The following S1PR3 variants were observed in gnomAD, a reference collection of about 807,000 sequenced individuals.
The protein encoded by S1PR3 is sphingosine 1-phosphate receptor 3.
S1PR3 carries 12 observed loss-of-function variants against 13.3 expected under a neutral mutation model. The observed-to-expected ratio is 0.90, with a 90% CI of 0.58 to 1.46. The LOEUF is 1.46. Ranked by LOEUF, S1PR3 falls within the 40% of genes most tolerant of loss-of-function variation. The pLI, the probability that S1PR3 is intolerant of heterozygous loss-of-function variation, is 0.00. For missense variants in S1PR3, 450 were observed against 501.9 expected (o/e 0.90, Z 0.99); for synonymous variants, 232 against 214.0 (o/e 1.08, Z -0.73).
At chr9:88,991,454 T>C, upstream of S1PR3, 1 of 1,545,888 alleles carries the variant, frequency 6.5e-7, no homozygotes, top group Non-Finnish European at 8.7e-7. The surrounding 1 kb of genome is among the most constrained non-coding windows in gnomAD (Gnocchi z 4.0). Flanking sequence ...GTTTAGTCTC[T>C]GACTCGCTCG....
chr9:88,992,345 TGTG>T (rs1345349519), intron 1 of S1PR3: 2 of 275,268 alleles, frequency 7.3e-6, no homozygotes, highest in Non-Finnish European at 1.4e-5. Context: ...TATATTTCTT[TGTG>T]GTGTTTTTAT....
intron 1 of S1PR3, chr9:88,992,694 A>G (rs1335416016): frequency 6.6e-6 from 1 of 152,400 alleles, no homozygotes; most frequent in East Asian, 1.9e-4. Context: ...GGGAAGGATT[A>G]TGCTCTGCAG....
chr9:89,000,895 G>C, intron 1 of S1PR3, 159 bp from the exon 2 acceptor site: 1 of 395,796 alleles, frequency 2.5e-6, no homozygotes, highest in Non-Finnish European at 4.6e-6. Context: ...CAATCACTTA[G>C]GAATTTAGCC....
In S1PR3 at chr9:89,001,845, C is replaced by A; in HGVS notation, c.645C>A (p.Tyr215Ter). 6.2e-7 allele frequency: 1 copy of A among 1,614,240 alleles called. No individual in the cohort carries two copies. The highest frequency in any genetic ancestry group is 2.2e-5 in the East Asian group (1 of 44,872). Reference protein sequence around the residue: ...TAILVTIVILYARIYFLVKSS... With the variant: ...TAILVTIVIL Reference sequence around the variant, plus strand: ...TCCTGGTGACCATCGTGATCCTCTACGCACGCATCTACTTCCTGGTGAAGT... The same window carrying A: ...TCCTGGTGACCATCGTGATCCTCTAAGCACGCATCTACTTCCTGGTGAAGT... Residue 215 changes from tyrosine (Y) to a stop codon, truncating the protein, a stop_gained, in exon 2 of 2, where the codon TAC becomes TAA. Transcript: ENST00000358157. LOFTEE classifies it high-confidence loss of function.
Position 89,001,961 on chromosome 9 carries a change from C to G in S1PR3, c.761C>G (p.Ala254Gly). 1 of 1,614,196 alleles carries G rather than the reference C, an allele frequency of 6.2e-7. No homozygotes were observed. Among genetic ancestry groups the G allele is most frequent in the Non-Finnish European group, 8.5e-7 (1 of 1,180,042 alleles). Residue 254 changes from alanine to glycine, a missense_variant, in exon 2 of 2, where the codon GCC becomes GGC. Coordinates refer to ENST00000358157, the MANE Select transcript of S1PR3 (RefSeq NM_005226.4). ...GTGATTGTGGTGAGCGTGTTCATCG[C>G]CTGCTGGTCCCCACTCTTCATCCTC... ...TVVIVVSVFI[A>G]CWSPLFILFL...
rs750077082 is a variant in S1PR3, at chr9:88,991,827, C to T, written c.-148+132C>T. Reference sequence around the variant, plus strand: ...TGGGCGCGCCACGGCGGCCGGAGCGCTCCACATCAGCACCCCTCCCCCAGA... The same window carrying T: ...TGGGCGCGCCACGGCGGCCGGAGCGTTCCACATCAGCACCCCTCCCCCAGA... On this transcript the variant is annotated intron_variant, in intron 1 of 1. Transcript: ENST00000358157. This position sits in a 1 kb window ranked among gnomAD's most constrained non-coding sequence, Gnocchi z 4.0. 5 of 1,611,990 alleles carry T rather than the reference C, an allele frequency of 3.1e-6. No homozygotes were observed.
Position 89,001,330 on chromosome 9 carries a change from G to T in S1PR3, c.130G>T (p.Val44Leu). The T allele has an allele frequency of 1.2e-6, 2 of 1,614,176 alleles. No homozygotes were observed. Among genetic ancestry groups the T allele is most frequent in the Non-Finnish European group, 1.7e-6 (2 of 1,180,038 alleles). ...EASEGSTLTTVLFLVICSFIV... is the reference protein window; with the variant it reads ...EASEGSTLTTLLFLVICSFIV... ...CTCCGAGGGCAGCACGCTCACCACC[G>T]TGCTCTTCTTGGTCATCTGCAGCTT... The change falls in exon 2 of 2, where the codon GTG becomes TTG. Residue 44 changes from valine (V) to leucine (L), a missense_variant. Transcript: ENST00000358157.
intron 1 of S1PR3, chr9:88,997,181 A>AATT (rs1360900132): frequency 6.6e-6 from 1 of 152,220 alleles, no homozygotes; most frequent in African/African-American, 2.4e-5. Flanking sequence ...ATGAATATTT[A>AATT]ATTATAAGGG....
chr9:88,991,146 C>A, upstream of S1PR3: 1 of 1,610,598 alleles, frequency 6.2e-7, no homozygotes, highest in Non-Finnish European at 8.5e-7. This position sits in a 1 kb window ranked among gnomAD's most constrained non-coding sequence, Gnocchi z 4.0. Flanking sequence ...TCTCTGGGCG[C>A]CCGGTTTCTG....
upstream of S1PR3, chr9:88,991,308 C>A: frequency 2.2e-6 from 3 of 1,372,158 alleles, no homozygotes; most frequent in Non-Finnish European, 1.9e-6. This position sits in a 1 kb window ranked among gnomAD's most constrained non-coding sequence, Gnocchi z 4.0. Context: ...GCGGCTTGAG[C>A]GGGAGGTGGG....
At chr9:88,992,772 C>T (rs59184053) in intron 1 of S1PR3, 3,483 of 152,012 alleles carry the variant, frequency 0.023, 139 homozygotes, top group African/African-American at 0.079. Flanking sequence ...GGTGATGGTG[C>T]GGGGCATGTG....
chr9:88,998,916 G>GCC (rs962214769), intron 1 of S1PR3: 7 of 152,536 alleles, frequency 4.6e-5, no homozygotes, highest in African/African-American at 1.4e-4. Context: ...TGAATGGGAA[G>GCC]CCAAGTAGGG....
At position 89,004,317 on chromosome 9, in the gene S1PR3, C is replaced by G. The variant is rs1470341792; in HGVS notation, c.*1980C>G. 1 of 152,424 alleles carries G rather than the reference C, an allele frequency of 6.6e-6. No individual in the cohort carries two copies. Among genetic ancestry groups the G allele is most frequent in the Admixed American group, 6.5e-5 (1 of 15,270 alleles). The allele number at this position is 152,424 out of a possible 1,614,324, so 9.4% of individuals were successfully genotyped here. On this transcript the variant is annotated 3_prime_UTR_variant, in exon 2 of 2. Coordinates refer to ENST00000358157, the MANE Select transcript of S1PR3 (RefSeq NM_005226.4). ...GGGAGGCTGAGGCTGGAGAGTTGCT[C>G]AAACCCGGGAGGCGGAGATTGCAGT...
rs1412086355 is a variant in S1PR3 at position 89,004,298 on chromosome 9, C to T, written c.*1961C>T. Reference sequence around the variant, plus strand: ...CCTGTAGTCCCAGCTACTCGGGAGGCTGAGGCTGGAGAGTTGCTCAAACCC... The same window carrying T: ...CCTGTAGTCCCAGCTACTCGGGAGGTTGAGGCTGGAGAGTTGCTCAAACCC... On this transcript the variant is annotated 3_prime_UTR_variant, in exon 2 of 2. Coordinates refer to ENST00000358157, the MANE Select transcript of S1PR3 (RefSeq NM_005226.4). 1 of 152,332 alleles carries T rather than the reference C, an allele frequency of 6.6e-6. No homozygotes were observed. The highest frequency in any genetic ancestry group is 1.5e-5 in the Non-Finnish European group (1 of 68,050). 9.4% of individuals were successfully genotyped at this position (152,332 alleles called of 1,614,324 possible). A position where few individuals can be genotyped will look rare whatever the true frequency, so the allele number is the denominator to read the frequency against.
rs116923686 is a variant in S1PR3, at chr9:89,005,022, C to T, written c.*2685C>T. ...TTTGTGGAAACCCACTCTTCGTAGT[C>T]CATGTGATGGGATTGTTTTATCGTT... On this transcript the variant is annotated 3_prime_UTR_variant, in exon 2 of 2. Transcript: ENST00000358157. The T allele has an allele frequency of 7.1e-3, 1,182 of 166,638 alleles. 10 individuals are homozygous for T. The highest frequency in any genetic ancestry group is 0.012 in the Admixed American group (183 of 15,300). The allele number at this position is 166,638 out of a possible 1,614,324, so 10.3% of individuals were successfully genotyped here. A position where few individuals can be genotyped will look rare whatever the true frequency, so the allele number is the denominator to read the frequency against.
At chr9:88,997,004 T>G (rs1825811147) in intron 1 of S1PR3, 1 of 152,198 alleles carries the variant, frequency 6.6e-6, no homozygotes, top group Non-Finnish European at 1.5e-5. Context: ...CAATCTGGCC[T>G]TTAGCCCAGC....
chr9:89,002,050 A>C lies in S1PR3; in HGVS notation c.850A>C (p.Ile284Leu). 6.2e-7 allele frequency: 1 copy of C among 1,614,018 alleles called. No individual in the cohort carries two copies. The highest frequency in any genetic ancestry group is 8.5e-7 in the Non-Finnish European group (1 of 1,179,998). Residue 284 changes from isoleucine to leucine, a missense_variant, in exon 2 of 2, where the codon ATC (isoleucine) becomes CTC (leucine). Transcript: ENST00000358157. Reference sequence around the variant, plus strand: ...CATCCTCTTCAAGGCTCAGTGGTTCATCGTGTTGGCTGTGCTCAACTCCGC... The same window carrying C: ...CATCCTCTTCAAGGCTCAGTGGTTCCTCGTGTTGGCTGTGCTCAACTCCGC... Reference protein sequence around the residue: ...CPILFKAQWFIVLAVLNSAMN... With the variant: ...CPILFKAQWFLVLAVLNSAMN...
At chr9:88,992,824 T>G (rs1183493946) in intron 1 of S1PR3, 1 of 152,004 alleles carries the variant, frequency 6.6e-6, no homozygotes, top group African/African-American at 2.4e-5. Flanking sequence ...GTGGAAGTGT[T>G]CATATCTGTA....
At chr9:88,998,693 G>T (rs763174103) in intron 1 of S1PR3, 4 of 152,216 alleles carry the variant, frequency 2.6e-5, no homozygotes, top group Non-Finnish European at 4.4e-5. Context: ...TTCAGAAGTG[G>T]CATGCAGCCT....
Sources: gnomAD v4.1 joint callset for allele counts on GRCh38, gnomAD v4.1.1 for gene constraint, Gnocchi (gnomAD v3.1) non-coding constraint, MANE v1.5 for transcripts, NCBI Gene and HGNC (gene_info 2026-07-23, HGNC 2026-07-21) for gene names.